PDZD2: variants seen among roughly 807,000 people sequenced by gnomAD.
The protein encoded by PDZD2 is PDZ domain-containing protein 2.
PDZD2 carries 90 observed loss-of-function variants against 220.7 expected under a neutral mutation model. The observed-to-expected ratio is 0.41, with a 90% CI of 0.34 to 0.49. The LOEUF (loss-of-function observed/expected upper bound fraction) is 0.49, where lower values mean the gene tolerates loss of function less well. PDZD2 is among the 20% of genes least tolerant of loss of function. The pLI is 0.28. For synonymous variants in PDZD2, 1,375 were observed against 1,450.5 expected (o/e 0.95, Z 1.18); for missense variants, 3,174 against 3,608.5 (o/e 0.88, Z 3.08).
intron 6 of PDZD2, among the ~76,000 whole-genome samples, chr5:32,012,632 C>T (rs1753417729): frequency 6.6e-6 from 1 of 152,042 alleles, no homozygotes; most frequent in South Asian, 2.1e-4. Flanking sequence ...AGGCAATCCA[C>T]CTGCCTCAGC....
intron 2 of PDZD2, among the ~76,000 whole-genome samples, chr5:31,803,404 G>A (rs1754521851): frequency 6.6e-6 from 1 of 151,624 alleles, no homozygotes; most frequent in Non-Finnish European, 1.5e-5. Context: ...CACCCATGGG[G>A]CTCCATAGGC....
At chr5:31,904,816 C>A (rs113268056) in intron 2 of PDZD2, among the ~76,000 whole-genome samples, 1 of 152,012 alleles carries the variant, frequency 6.6e-6, no homozygotes, top group East Asian at 1.9e-4. Flanking sequence ...GAATTCTGGG[C>A]GCAATTACAT....
At chr5:32,069,727 A>G in intron 15 of PDZD2, 77 bp downstream of exon 15, 2 of 751,722 alleles carry the variant, frequency 2.7e-6, no homozygotes, top group Admixed American at 4.2e-5. Context: ...TCCCCAGTGC[A>G]GTATTATTGG....
intron 2 of PDZD2, among the ~76,000 whole-genome samples, chr5:31,919,641 C>G (rs567861757): frequency 0.013 from 1,923 of 150,086 alleles, 13 homozygotes; most frequent in Non-Finnish European, 0.019. Context: ...CCACAGCGCC[C>G]GGCCGTCTCT....
intron 2 of PDZD2, among the ~76,000 whole-genome samples, chr5:31,844,827 T>C (rs1757502495): frequency 6.6e-6 from 1 of 152,198 alleles, no homozygotes; most frequent in Middle Eastern, 3.4e-3. Flanking sequence ...GGGCTGGGTG[T>C]GGGCCCCGCC....
chr5:31,857,203 AT>A (rs1202150613), intron 2 of PDZD2, among the ~76,000 whole-genome samples: 1 of 152,024 alleles, frequency 6.6e-6, no homozygotes, highest in Non-Finnish European at 1.5e-5. Flanking sequence ...CTTTGCACTT[AT>A]TTCTAGTTAG....
At position 32,090,063 on chromosome 5, in the gene PDZD2, C is replaced by T; in HGVS notation, c.6615C>T (p.Gly2205=). 6.2e-7 allele frequency: 1 copy of T among 1,613,480 alleles called. No homozygotes were observed. Among genetic ancestry groups the T allele is most frequent in the African/African-American group, 1.3e-5 (1 of 75,046 alleles). Residue 2205 remains glycine (G), a synonymous_variant, in exon 20 of 25, where the codon GGC becomes GGT. Transcript: ENST00000438447. The surrounding 1 kb of genome is among the most constrained non-coding windows in gnomAD (Gnocchi z 4.3). ...RGVPRNSIPG[G]PSGEDHLYFT... ...TGCCCAGAAACAGCATTCCAGGGGG[C>T]CCCTCGGGGGAGGACCATCTCTACT...
chr5:31,664,451 TACACACACAC>T (rs10629638), intron 1 of PDZD2, among the ~76,000 whole-genome samples: 1 of 144,704 alleles, frequency 6.9e-6, no homozygotes, highest in South Asian at 2.3e-4. Context: ...CATGCATGCA[TACACACACAC>T]ACACACACAC....
chr5:31,753,326 G>T (rs972647535), intron 1 of PDZD2, among the ~76,000 whole-genome samples: 5 of 152,230 alleles, frequency 3.3e-5, no homozygotes, highest in Non-Finnish European at 7.3e-5. Context: ...GGAGACTGGG[G>T]TAAATAAGAG....
chr5:31,714,687 C>T (rs979284865), intron 1 of PDZD2, among the ~76,000 whole-genome samples: 2 of 152,132 alleles, frequency 1.3e-5, no homozygotes, highest in African/African-American at 4.8e-5. Flanking sequence ...TTGAGTTCAT[C>T]TGTTTGGGCA....
chr5:31,875,318 T>A (rs1267395057), intron 2 of PDZD2, among the ~76,000 whole-genome samples: 2 of 152,134 alleles, frequency 1.3e-5, no homozygotes, highest in Non-Finnish European at 2.9e-5. Context: ...GCATGGTGGC[T>A]TATGCCTGTA....
chr5:31,961,405 T>C (rs1748218400), intron 2 of PDZD2, among the ~76,000 whole-genome samples: 1 of 149,940 alleles, frequency 6.7e-6, no homozygotes, highest in African/African-American at 2.5e-5. Flanking sequence ...CATGATGGTG[T>C]GCACCTGTAG....
intron 1 of PDZD2, among the ~76,000 whole-genome samples, chr5:31,706,159 G>T (rs893273817): frequency 6.6e-6 from 1 of 152,184 alleles, no homozygotes; most frequent in Non-Finnish European, 1.5e-5. Context: ...AATGTAGTAG[G>T]TATTCAATAA....
chr5:31,753,009 A>G lies in PDZD2; in HGVS notation c.-360-45880A>G, dbSNP rs761177537. Among the ~76,000 whole-genome samples the G allele has an allele frequency of 6.4e-4, 98 of 152,178 alleles. 3 individuals carry two copies. Among genetic ancestry groups the G allele is most frequent in the Non-Finnish European group, 5.4e-4 (37 of 68,040 alleles). ...TCTTGACCCTAGTAGGCACTTGATG[A>G]TTATTATTTGAATTAAAATGGACTT... is the stretch of plus-strand genomic sequence containing the variant. On this transcript the variant is annotated intron_variant, in intron 1 of 24. Transcript: ENST00000438447.
intron 4 of PDZD2, among the ~76,000 whole-genome samples, chr5:31,998,015 G>C (rs375156154): frequency 6.6e-6 from 1 of 152,098 alleles, no homozygotes; most frequent in Non-Finnish European, 1.5e-5. Context: ...GCTAATTTTT[G>C]TATTTTTAGT....
rs772739143 is a variant in PDZD2, at chr5:31,799,268, A to G, written c.20A>G (p.Asn7Ser). 8 of 1,606,848 alleles carry G rather than the reference A, an allele frequency of 5.0e-6. No homozygotes were observed. Among genetic ancestry groups the G allele is most frequent in the Admixed American group, 1.7e-5 (1 of 59,852 alleles). Reference sequence around the variant, plus strand: ...AGCACCATGCCCATCACCCAGGACAATGCCGTGCTGCACCTGCCCCTCCTC... The same window carrying G: ...AGCACCATGCCCATCACCCAGGACAGTGCCGTGCTGCACCTGCCCCTCCTC... MPITQD[N>S]AVLHLPLLYQ... Residue 7 changes from asparagine to serine, a missense_variant, in exon 2 of 25, where the codon AAT becomes AGT. Coordinates refer to ENST00000438447, the MANE Select transcript of PDZD2 (RefSeq NM_178140.4).
chr5:31,923,357 G>A (rs996423863), intron 2 of PDZD2: 38 of 1,059,626 alleles, frequency 3.6e-5, no homozygotes, highest in Non-Finnish European at 4.3e-5. Context: ...TGTGCCACAC[G>A]GCCATCGCCA....
chr5:31,894,546 C>A (rs1349491366), intron 2 of PDZD2, among the ~76,000 whole-genome samples: 1 of 152,126 alleles, frequency 6.6e-6, no homozygotes, highest in East Asian at 1.9e-4. Context: ...GGAAAATTCT[C>A]TTCAATCCCA....
At chr5:31,917,746 A>T (rs1225330088) in intron 2 of PDZD2, among the ~76,000 whole-genome samples, 3 of 151,766 alleles carry the variant, frequency 2.0e-5, no homozygotes, top group African/African-American at 4.8e-5. Context: ...TGGTTTTTTT[A>T]TTTTTATTTT....
Sources: allele counts gnomAD v4.1 joint callset (sites outside exome capture counted in the v4.1 genomes callset), GRCh38; gene constraint gnomAD v4.1.1; non-coding constraint Gnocchi (gnomAD v3.1); transcripts MANE v1.5; gene names NCBI Gene and HGNC (gene_info 2026-07-23, HGNC 2026-07-21).